The following SVEP1 variants were observed in gnomAD, a reference collection of about 807,000 sequenced individuals.
SVEP1 encodes the protein sushi, von Willebrand factor type A, EGF and pentraxin domain-containing protein 1.
SVEP1 carries 164 observed loss-of-function variants against 367.3 expected under a neutral mutation model. The observed-to-expected ratio is 0.45, with a 90% CI of 0.39 to 0.51. SVEP1 has a LOEUF of 0.51. SVEP1 is among the 20% of genes least tolerant of loss of function. The pLI is 0.00. For synonymous variants in SVEP1, 1,666 were observed against 1,611.6 expected (o/e 1.03, Z -0.81); for missense variants, 4,117 against 4,425.3 (o/e 0.93, Z 1.98).
rs375511563 is a variant in SVEP1 at position 110,406,700 on chromosome 9, T to A, written c.8900A>T (p.His2967Leu). 1.2e-6 allele frequency: 2 copies of A among 1,613,952 alleles called. No individual in the cohort carries two copies. The highest frequency in any genetic ancestry group is 2.2e-5 in the East Asian group (1 of 44,870). ...GCACTGATACTGTATATGGCCCCCA[T>A]GAATAAAGGAAAAACCATTAGGGAA... ...HGFPNGFSFIHGGHIQYQCFP... is the reference protein window; with the variant it reads ...HGFPNGFSFILGGHIQYQCFP... The change falls in exon 38 of 48, where the codon CAT becomes CTT. Residue 2967 changes from histidine (H) to leucine (L), a missense_variant. This residue lies in a region of SVEP1 where 1,765 missense variants were observed against 1,781.1 expected (regional missense o/e 0.99). Transcript: ENST00000374469.
chr9:110,513,979 C>G lies in SVEP1; in HGVS notation c.1092G>C (p.Glu364Asp), dbSNP rs1829760958. 1.2e-6 allele frequency: 2 copies of G among 1,613,196 alleles called. No individual in the cohort carries two copies. Among genetic ancestry groups the G allele is most frequent in the African/African-American group, 1.3e-5 (1 of 74,926 alleles). Residue 364 changes from glutamate (E) to aspartate (D), a missense_variant, in exon 4 of 48, where the codon GAG becomes GAC. Glu to Asp is a conservative substitution (Grantham distance 45, BLOSUM62 2). This residue lies in a region of SVEP1 where 2,174 missense variants were observed against 2,494.3 expected (regional missense o/e 0.87). Coordinates refer to ENST00000374469, the MANE Select transcript of SVEP1 (RefSeq NM_153366.4). The part of the protein sequence containing the change: ...STSPEDCVCR[E>D]GYRASGQTCE... ...AGGTCTGGCCAGATGCCCTGTATCC[C>G]TCTCTGCAGACACAGTCTTCAGGGG...
In SVEP1 at chr9:110,459,158, C is replaced by G. The variant is rs368343842; in HGVS notation, c.3323-45G>C. 19 of 1,568,996 alleles carry G rather than the reference C, an allele frequency of 1.2e-5. 1 individual carries two copies. In the African/African-American group the frequency reaches 1.2e-4, roughly 10 times the overall value. On this transcript the variant is annotated intron_variant, in intron 18 of 47. Coordinates refer to ENST00000374469, the MANE Select transcript of SVEP1 (RefSeq NM_153366.4). Reference sequence around the variant, plus strand: ...TCATATGTGCATATAAAGTAACACACCCTACATTTGAAAGAAGTGATTTAA... The same window carrying G: ...TCATATGTGCATATAAAGTAACACAGCCTACATTTGAAAGAAGTGATTTAA...
At chr9:110,384,894 A>G (rs1827497458) in intron 43 of SVEP1, among the ~76,000 whole-genome samples, 1 of 152,212 alleles carries the variant, frequency 6.6e-6, no homozygotes, top group African/African-American at 2.4e-5. Context: ...GTCGGACTCA[A>G]TGAATATGTT....
chr9:110,527,630 G>A (rs1238332943), intron 3 of SVEP1, among the ~76,000 whole-genome samples: 2 of 151,902 alleles, frequency 1.3e-5, no homozygotes, highest in African/African-American at 4.8e-5. Flanking sequence ...CATTATTAGT[G>A]AGATTGTGCA....
Position 110,443,527 on chromosome 9 carries a change from C to G in SVEP1, c.4639+18G>C, listed in dbSNP as rs1429369310. The G allele has an allele frequency of 6.3e-7, 1 of 1,577,628 alleles. No homozygotes were observed. Among genetic ancestry groups the G allele is most frequent in the South Asian group, 1.2e-5 (1 of 85,438 alleles). On this transcript the variant is annotated intron_variant, in intron 27 of 47. Coordinates refer to ENST00000374469, the MANE Select transcript of SVEP1 (RefSeq NM_153366.4). ...CTCTAGAGTCCAACAGAATTATACT[C>G]ATTTTGTTAAAACATACCAGGTATG...
chr9:110,390,641 G>A (rs545029908), intron 40 of SVEP1, among the ~76,000 whole-genome samples: 1 of 151,918 alleles, frequency 6.6e-6, no homozygotes, highest in African/African-American at 2.4e-5. Flanking sequence ...AGATGGTAGT[G>A]AACTCCACTG....
At chr9:110,566,401 T>C (rs1170237147) in intron 1 of SVEP1, among the ~76,000 whole-genome samples, 3 of 152,006 alleles carry the variant, frequency 2.0e-5, no homozygotes, top group Non-Finnish European at 4.4e-5. Flanking sequence ...CTTGCTATTG[T>C]GAAGATTTAA....
chr9:110,375,994 A>T (rs375526258), intron 45 of SVEP1, among the ~76,000 whole-genome samples: 204 of 152,248 alleles, frequency 1.3e-3, no homozygotes, highest in Middle Eastern at 3.4e-3. Context: ...TGACTGAATG[A>T]TGCCTCCCGA....
chr9:110,545,993 A>T, intron 3 of SVEP1, 122 bp downstream of exon 3: 1 of 1,217,082 alleles, frequency 8.2e-7, no homozygotes, highest in Non-Finnish European at 1.1e-6. Context: ...CCCCAAAGAG[A>T]TGTGCCACTG....
At chr9:110,511,840 G>T (rs1235081315) in intron 5 of SVEP1, among the ~76,000 whole-genome samples, 2 of 152,098 alleles carry the variant, frequency 1.3e-5, no homozygotes, top group African/African-American at 4.8e-5. Flanking sequence ...TGGATGCCAA[G>T]AAAAGACCAG....
At chr9:110,393,478 A>G (rs1045855458) in intron 40 of SVEP1, among the ~76,000 whole-genome samples, 1 of 152,174 alleles carries the variant, frequency 6.6e-6, no homozygotes, top group African/African-American at 2.4e-5. Context: ...TGCATTTCCA[A>G]CTGAGGTACC....
At chr9:110,532,666 C>T (rs1324170632) in intron 3 of SVEP1, among the ~76,000 whole-genome samples, 1 of 152,080 alleles carries the variant, frequency 6.6e-6, no homozygotes, top group Admixed American at 6.6e-5. Context: ...CATTTTAATG[C>T]ACTAATCCAA....
chr9:110,545,979 G>T, intron 3 of SVEP1, 136 bp downstream of exon 3: 1 of 1,105,722 alleles, frequency 9.0e-7, no homozygotes, highest in Non-Finnish European at 1.3e-6. Flanking sequence ...CAGCACAGCT[G>T]AAGCCCCAAA....
At chr9:110,366,598 A>G (rs1827203728) in intron 47 of SVEP1, 38 bp from the exon 48 acceptor site, 5 of 1,517,580 alleles carry the variant, frequency 3.3e-6, no homozygotes, top group Middle Eastern at 3.4e-4. Flanking sequence ...TAGATTCAAA[A>G]GAAAAAATTG....
chr9:110,408,731 C>T lies in SVEP1; in HGVS notation c.6869G>A (p.Cys2290Tyr), dbSNP rs1254473639. The T allele has an allele frequency of 1.2e-6, 2 of 1,613,948 alleles. No homozygotes were observed. Among genetic ancestry groups the T allele is most frequent in the South Asian group, 1.1e-5 (1 of 91,080 alleles). ...FEVGSKVQFF[C>Y]NEGYELVGDS... ...ACCAACAAGCTCATAACCCTCATTA[C>T]AGAAAAACTGAACCTTGGACCCTAC... Residue 2290 changes from cysteine (C) to tyrosine (Y), a missense_variant, in exon 38 of 48, where the codon TGT becomes TAT. Coordinates refer to ENST00000374469, the MANE Select transcript of SVEP1 (RefSeq NM_153366.4).
At chr9:110,390,031 A>G (rs965140320) in intron 40 of SVEP1, among the ~76,000 whole-genome samples, 7 of 104,220 alleles carry the variant, frequency 6.7e-5, no homozygotes, top group Admixed American at 1.2e-4. Context: ...GTGTGTGTAT[A>G]TATATATAAG....
At chr9:110,482,339 T>G in intron 11 of SVEP1, 22 bp downstream of exon 11, 1 of 1,605,384 alleles carries the variant, frequency 6.2e-7, no homozygotes, top group Non-Finnish European at 8.5e-7. Context: ...ACTAGAATTC[T>G]GGGGACTTAT....
At chr9:110,528,156 G>GTGTGTGCATATATATA in intron 3 of SVEP1, among the ~76,000 whole-genome samples, 2 of 33,940 alleles carry the variant, frequency 5.9e-5, no homozygotes, top group Non-Finnish European at 1.1e-4. Flanking sequence ...GTGTGTGTGT[G>GTGTGTGCATATATATA]TATATATATA....
At chr9:110,480,058 T>C (rs1298977899) in intron 12 of SVEP1, among the ~76,000 whole-genome samples, 1 of 152,226 alleles carries the variant, frequency 6.6e-6, no homozygotes, top group African/African-American at 2.4e-5. Context: ...ATTGTTTTCA[T>C]TATATTCCTG....
Sources: allele counts gnomAD v4.1 joint callset (sites outside exome capture counted in the v4.1 genomes callset), GRCh38; gene constraint gnomAD v4.1.1; regional missense constraint gnomAD v4.1.1; transcripts MANE v1.5; gene names NCBI Gene and HGNC (gene_info 2026-07-23, HGNC 2026-07-21).